CSMD1: variants seen among roughly 807,000 people sequenced by gnomAD.
CSMD1 encodes CUB and sushi domain-containing protein 1.
CSMD1 carries 213 observed loss-of-function variants against 417.5 expected under a neutral mutation model. The observed-to-expected ratio is 0.51, with a 90% CI of 0.46 to 0.57. The LOEUF (loss-of-function observed/expected upper bound fraction) is 0.57. Ranked by LOEUF, CSMD1 falls within the 20% of genes least tolerant of loss-of-function variation. The probability of loss-of-function intolerance (pLI) is 0.00; values close to 1 mark genes in which losing one functional copy is unlikely to be tolerated. For missense variants in CSMD1, 6,923 were observed against 4,529.7 expected, an observed-to-expected ratio of 1.53 and a Z score of -15.17; for synonymous variants, 2,862 against 1,736.8, an observed-to-expected ratio of 1.65 and a Z score of -16.11.
chr8:3,354,939 A>ATATCTATAGATCTATC (rs1554523485), intron 21 of CSMD1, among the ~76,000 whole-genome samples: 2 of 143,400 alleles, frequency 1.4e-5, no homozygotes, highest in African/African-American at 5.8e-5. Flanking sequence ...ATATAGATAT[A>ATATCTATAGATCTATC]TATAGAGAGA....
intron 3 of CSMD1, among the ~76,000 whole-genome samples, chr8:4,273,586 T>G (rs975140443): frequency 6.6e-6 from 1 of 152,214 alleles, no homozygotes; most frequent in African/African-American, 2.4e-5. Flanking sequence ...ATTTATCATT[T>G]GTCGTTCATT....
At chr8:4,947,977 A>G (rs559964306) in intron 1 of CSMD1, among the ~76,000 whole-genome samples, 1 of 152,026 alleles carries the variant, frequency 6.6e-6, no homozygotes, top group East Asian at 1.9e-4. Context: ...AGATATCCAT[A>G]AAAAAATCTG....
chr8:4,004,215 C>G (rs868026480), intron 4 of CSMD1, among the ~76,000 whole-genome samples: 39 of 151,896 alleles, frequency 2.6e-4, no homozygotes, highest in African/African-American at 8.7e-4. Context: ...GATTTAAAAA[C>G]TCCTTCAATC....
At chr8:3,779,404 G>T (rs962413626) in intron 5 of CSMD1, among the ~76,000 whole-genome samples, 7 of 152,088 alleles carry the variant, frequency 4.6e-5, no homozygotes, top group African/African-American at 1.7e-4. Flanking sequence ...TGTAATCGAT[G>T]AGCACTACGT....
chr8:4,239,974 C>T (rs1000284560), intron 3 of CSMD1, among the ~76,000 whole-genome samples: 2 of 152,076 alleles, frequency 1.3e-5, no homozygotes, highest in Admixed American at 6.6e-5. Context: ...CCTCTTTTAC[C>T]AGTGATTTCT....
intron 1 of CSMD1, among the ~76,000 whole-genome samples, chr8:4,936,938 T>C (rs1340318920): frequency 1.3e-5 from 2 of 152,350 alleles, no homozygotes; most frequent in East Asian, 3.9e-4. Context: ...TTGTCGGCTC[T>C]GGTGGCTCAT....
intron 23 of CSMD1, among the ~76,000 whole-genome samples, chr8:3,340,081 C>T (rs911483828): frequency 2.6e-5 from 4 of 152,150 alleles, no homozygotes; most frequent in African/African-American, 7.2e-5. Flanking sequence ...GTATCAATAT[C>T]GGTCAATATA....
At chr8:4,403,626 G>A (rs896008422) in intron 3 of CSMD1, among the ~76,000 whole-genome samples, 6 of 152,072 alleles carry the variant, frequency 3.9e-5, no homozygotes, top group Non-Finnish European at 5.9e-5. Flanking sequence ...TCACCATCTG[G>A]TCTACTTAGT....
At chr8:3,813,399 G>A (rs1175710203) in intron 5 of CSMD1, among the ~76,000 whole-genome samples, 1 of 152,048 alleles carries the variant, frequency 6.6e-6, no homozygotes, top group Non-Finnish European at 1.5e-5. Flanking sequence ...TTAAGGAGGT[G>A]ATATTTTCCC....
chr8:3,889,470 TATATATATATATATATATATATAA>T (rs1376988362), intron 5 of CSMD1, among the ~76,000 whole-genome samples: 18 of 104,092 alleles, frequency 1.7e-4, no homozygotes, highest in Admixed American at 1.1e-3. Flanking sequence ...TATATATATA[TATATATATATATATATATATATAA>T]AATATGCTCA....
chr8:2,937,455 A>ACT lies in CSMD1; in HGVS notation c.*1129_*1130insAG. 2.6e-5 allele frequency: 1 copy of ACT among 38,438 alleles called. No homozygotes were observed. Among genetic ancestry groups the ACT allele is most frequent in the Admixed American group, 2.9e-4 (1 of 3,502 alleles). The allele number at this position is 38,438 out of a possible 1,614,324, so 2.4% of individuals were successfully genotyped here. On this transcript the variant is annotated 3_prime_UTR_variant, in exon 70 of 70. Transcript: ENST00000635120. The stretch of plus-strand genomic sequence containing the variant: ...TAAAAGACAAAAAAAAAAAAAAACA[A>ACT]AAAAAAAACACTGCAAAAGGGAAGG...
At chr8:4,869,099 TGTA>T (rs1355395116) in intron 1 of CSMD1, among the ~76,000 whole-genome samples, 1 of 152,048 alleles carries the variant, frequency 6.6e-6, no homozygotes, top group Admixed American at 6.5e-5. Flanking sequence ...AATTTCTCAT[TGTA>T]TTATTTTTAA....
At chr8:4,122,475 G>C (rs10088509) in intron 3 of CSMD1, among the ~76,000 whole-genome samples, 150,663 of 152,320 alleles carry the variant, frequency 0.99, 74,537 homozygotes, top group East Asian at 1. Flanking sequence ...GAAACTAAGA[G>C]ACACGTAGAT....
intron 41 of CSMD1, among the ~76,000 whole-genome samples, chr8:3,132,030 C>T (rs1817820673): frequency 6.6e-6 from 1 of 152,124 alleles, no homozygotes; most frequent in Admixed American, 6.6e-5. Context: ...TCATCCTTCA[C>T]CTTTGGTAGC....
intron 25 of CSMD1, among the ~76,000 whole-genome samples, chr8:3,293,450 C>G (rs1421482477): frequency 1.3e-5 from 2 of 152,224 alleles, no homozygotes; most frequent in Non-Finnish European, 2.9e-5. Flanking sequence ...CTCCCTGTCA[C>G]TTTTAGGTAC....
At chr8:3,925,682 C>G (rs1390983675) in intron 5 of CSMD1, among the ~76,000 whole-genome samples, 1 of 151,932 alleles carries the variant, frequency 6.6e-6, no homozygotes, top group African/African-American at 2.4e-5. Flanking sequence ...CCTCATTTTT[C>G]TCTTGCCACC....
chr8:2,947,698 T>C (rs1435698028), intron 68 of CSMD1, among the ~76,000 whole-genome samples: 1 of 152,174 alleles, frequency 6.6e-6, no homozygotes, highest in Non-Finnish European at 1.5e-5. Context: ...CTAGAGCGTG[T>C]GCTACAGAGA....
intron 23 of CSMD1, among the ~76,000 whole-genome samples, chr8:3,323,880 G>C (rs1017107513): frequency 2.0e-5 from 3 of 147,476 alleles, no homozygotes; most frequent in Admixed American, 1.4e-4. Flanking sequence ...ACCCAGGAGG[G>C]GGAGTTTCCT....
intron 6 of CSMD1, among the ~76,000 whole-genome samples, chr8:3,711,313 G>C (rs539504283): frequency 2.0e-5 from 3 of 152,248 alleles, no homozygotes; most frequent in Admixed American, 6.5e-5. Context: ...ATTGACTCTT[G>C]TGGAAGACGA....
Sources: gnomAD v4.1 joint callset for allele counts (sites outside exome capture counted in the v4.1 genomes callset) on GRCh38, gnomAD v4.1.1 for gene constraint, MANE v1.5 for transcripts, NCBI Gene and HGNC (gene_info 2026-07-23, HGNC 2026-07-21) for gene names.